ACSL4: variants seen among roughly 807,000 people sequenced by gnomAD.
The protein encoded by ACSL4 is long-chain-fatty-acid--CoA ligase 4.
In ACSL4, 9 loss-of-function variants were observed where a neutral mutation model predicts 49.1. The ratio of observed to expected loss-of-function variants is 0.18; its 90% CI spans 0.11 to 0.32. The LOEUF (loss-of-function observed/expected upper bound fraction) is 0.32. Ranked by LOEUF, ACSL4 falls within the 10% of genes least tolerant of loss-of-function variation. ACSL4 has a pLI of 1.00. For missense variants in ACSL4, 333 were observed against 493.7 expected, an observed-to-expected ratio of 0.67 and a Z score of 3.08; for synonymous variants, 191 against 170.3, an observed-to-expected ratio of 1.12 and a Z score of -0.95.
intron 15 of ACSL4, among the ~76,000 whole-genome samples, chrX:109,657,681 T>C (rs969223073): frequency 2.7e-5 from 3 of 111,772 alleles, no homozygotes; most frequent in African/African-American, 9.8e-5. Flanking sequence ...TAAACATATG[T>C]GTGCATGTGT....
chrX:109,665,314 G>C (rs1922540479), intron 12 of ACSL4, 106 bp downstream of exon 12: 1 of 715,311 alleles, frequency 1.4e-6, no homozygotes, highest in Non-Finnish European at 2.2e-6. Flanking sequence ...CAGCAAAACA[G>C]CAGAGAATTA....
intron 14 of ACSL4, among the ~76,000 whole-genome samples, chrX:109,661,292 C>T (rs1922155630): frequency 9.0e-6 from 1 of 111,339 alleles, no homozygotes; most frequent in Non-Finnish European, 1.9e-5. Context: ...AATGAAATAA[C>T]TTGTTGCATA....
chrX:109,718,766 A>G (rs1927321423), intron 1 of ACSL4, among the ~76,000 whole-genome samples: 1 of 110,601 alleles, frequency 9.0e-6, no homozygotes, highest in Non-Finnish European at 1.9e-5. Flanking sequence ...AAAAAAAAAA[A>G]AAAAGAAAGA....
At chrX:109,708,516 T>C (rs1315234253) in intron 1 of ACSL4, among the ~76,000 whole-genome samples, 2 of 112,174 alleles carry the variant, frequency 1.8e-5, no homozygotes, top group African/African-American at 6.5e-5. Context: ...GTTTTTAAAT[T>C]AGGCTCAAAG....
intron 15 of ACSL4, among the ~76,000 whole-genome samples, chrX:109,658,686 A>G (rs368961216): frequency 2.7e-5 from 3 of 111,493 alleles, no homozygotes; most frequent in East Asian, 5.6e-4. Flanking sequence ...AACCTAGTTA[A>G]CTTCTAATTA....
At chrX:109,684,166 AC>A (rs930921045) in intron 2 of ACSL4, among the ~76,000 whole-genome samples, 5 of 111,949 alleles carry the variant, frequency 4.5e-5, no homozygotes, top group African/African-American at 1.6e-4. Flanking sequence ...CAACCCAGAA[AC>A]CTTATTCTGA....
intron 15 of ACSL4, among the ~76,000 whole-genome samples, chrX:109,645,520 G>C (rs964962190): frequency 6.3e-5 from 7 of 111,955 alleles, no homozygotes; most frequent in African/African-American, 2.0e-4. Context: ...AAACCGATCT[G>C]TACATCACCA....
At chrX:109,719,900 A>C (rs1603411958) in intron 1 of ACSL4, among the ~76,000 whole-genome samples, 1 of 110,353 alleles carries the variant, frequency 9.1e-6, no homozygotes, top group Non-Finnish European at 1.9e-5. Context: ...GGCTGAGGCA[A>C]GAGAATCGCT....
At chrX:109,725,843 T>G (rs989107716) in intron 1 of ACSL4, among the ~76,000 whole-genome samples, 1 of 111,957 alleles carries the variant, frequency 8.9e-6, no homozygotes, top group African/African-American at 3.2e-5. Flanking sequence ...GGACAGTATT[T>G]TTTTTTGCAA....
intron 1 of ACSL4, among the ~76,000 whole-genome samples, chrX:109,724,649 C>T (rs2092596865): frequency 9.0e-6 from 1 of 111,025 alleles, no homozygotes; most frequent in Admixed American, 9.6e-5. Flanking sequence ...TGGTGGCTCA[C>T]GCCTGTAGTC....
chrX:109,668,240 T>C lies in ACSL4; in HGVS notation c.1176A>G (p.Gly392=). 1 of 1,207,234 alleles carries C rather than the reference T, an allele frequency of 8.3e-7. No homozygotes were observed. Among genetic ancestry groups the C allele is most frequent in the Non-Finnish European group, 1.1e-6 (1 of 892,557 alleles). The change falls in exon 11 of 16, where the codon GGA becomes GGG. Residue 392 remains glycine (G), a synonymous_variant. Transcript: ENST00000672401. ...CAGACAGCATCATGCGGACATTCCC[T>C]CCCAGCAGGGCCTTGACCTTTTTAA... ...LLFKKVKALL[G]GNVRMMLSGG...
Position 109,666,370 on chromosome X carries a change from C to T in ACSL4, c.1316-876G>A, listed in dbSNP as rs753708068. On this transcript the variant is annotated intron_variant, in intron 11 of 15. Coordinates refer to ENST00000672401, the MANE Select transcript of ACSL4 (RefSeq NM_001318510.2). The stretch of plus-strand genomic sequence containing the variant: ...ATACATAGAGGTGAGACCAAGAATG[C>T]CTTCATAAGAAACAGTAAGAAGACT... Among the ~76,000 whole-genome samples, 6 of 111,733 alleles carry T rather than the reference C, an allele frequency of 5.4e-5. No homozygotes were observed. In the East Asian group the frequency reaches 8.5e-4, roughly 16 times the overall value.
intron 1 of ACSL4, among the ~76,000 whole-genome samples, chrX:109,725,041 C>T (rs190111382): frequency 6.4e-5 from 7 of 109,636 alleles, no homozygotes; most frequent in African/African-American, 9.9e-5. Context: ...ACAGGCATGA[C>T]GCACTGTACC....
intron 8 of ACSL4, 114 bp from the exon 9 acceptor site, chrX:109,674,587 C>A: frequency 1.9e-6 from 1 of 526,184 alleles, no homozygotes; most frequent in South Asian, 2.9e-5. Flanking sequence ...TTTTATTGCT[C>A]TGTGATTATC....
chrX:109,649,556 C>T (rs1317408106), intron 15 of ACSL4, among the ~76,000 whole-genome samples: 6 of 111,677 alleles, frequency 5.4e-5, no homozygotes, highest in Non-Finnish European at 9.4e-5. Context: ...AACGTTAGAC[C>T]TAAAACCATA....
In ACSL4 at chrX:109,732,845, T is replaced by C. The variant is rs186587508; in HGVS notation, c.-66+294A>G. ...GTACCCCGATCAGGAAGATGACTTC[T>C]GGCCCTCGGGATGCGGTGAGCGGCA... is the stretch of plus-strand genomic sequence containing the variant. On this transcript the variant is annotated intron_variant, in intron 1 of 15. Transcript: ENST00000672401. Among the ~76,000 whole-genome samples the C allele has an allele frequency of 2.0e-4, 22 of 112,178 alleles. No individual in the cohort carries two copies. In the East Asian group the frequency reaches 2.3e-3, roughly 12 times the overall value.
chrX:109,672,079 TAAAAAAAAAAAAA>T (rs764711316), intron 9 of ACSL4, among the ~76,000 whole-genome samples: 1 of 37,389 alleles, frequency 2.7e-5, no homozygotes, highest in African/African-American at 1.1e-4. Context: ...CAATAAATAC[TAAAAAAAAAAAAA>T]AAAAAAAAAA....
At chrX:109,686,023 C>T (rs1048380621) in intron 2 of ACSL4, among the ~76,000 whole-genome samples, 20 of 111,384 alleles carry the variant, frequency 1.8e-4, no homozygotes, top group Admixed American at 1.9e-4. Context: ...CTTAGTCTCT[C>T]GGACAAGTCT....
At position 109,701,638 on chromosome X, in the gene ACSL4, C is replaced by CG. The variant is rs369077649; in HGVS notation, c.-65-5443dup. Among the ~76,000 whole-genome samples, 834 of 101,569 alleles carry CG rather than the reference C, an allele frequency of 8.2e-3. 11 individuals are homozygous for CG. Among genetic ancestry groups the CG allele is most frequent in the African/African-American group, 0.027 (750 of 27,683 alleles). The allele number at this position is 101,569 out of a possible 115,157, so 88.2% of individuals were successfully genotyped here. ...TCGGCTCACTGCAACCTCCGCCTCA[C>CG]GGTTCACACCATTCTCCTGCCTCAG... On this transcript the variant is annotated intron_variant, in intron 1 of 15. Transcript: ENST00000672401.
Sources: gnomAD v4.1 joint callset for allele counts (sites outside exome capture counted in the v4.1 genomes callset) on GRCh38, gnomAD v4.1.1 for gene constraint, MANE v1.5 for transcripts, NCBI Gene and HGNC (gene_info 2026-07-23, HGNC 2026-07-21) for gene names.